The following TMEM131L variants were observed in gnomAD, a reference collection of about 807,000 sequenced individuals.
The protein encoded by TMEM131L is transmembrane 131 like.
A neutral mutation model predicts 192.2 loss-of-function variants in TMEM131L; 54 were observed. The ratio of observed to expected loss-of-function variants is 0.28; its 90% CI spans 0.23 to 0.35. The LOEUF (loss-of-function observed/expected upper bound fraction) is 0.35. Ranked by LOEUF, TMEM131L falls within the 10% of genes least tolerant of loss-of-function variation. TMEM131L has a pLI of 1.00. For synonymous variants in TMEM131L, 701 were observed against 704.9 expected (o/e 0.99, Z 0.09); for missense variants, 1,888 against 1,972.9 (o/e 0.96, Z 0.82).
intron 18 of TMEM131L, among the ~76,000 whole-genome samples, chr4:153,593,575 T>C (rs1731217651): frequency 6.6e-6 from 1 of 152,188 alleles, no homozygotes; most frequent in Non-Finnish European, 1.5e-5. Flanking sequence ...GCAATATTTA[T>C]TGATCATTGA....
At chr4:153,548,836 G>A in intron 3 of TMEM131L, among the ~76,000 whole-genome samples, 1 of 152,126 alleles carries the variant, frequency 6.6e-6, no homozygotes. Context: ...GGGAGTTGCT[G>A]AAAGGTCACA....
At chr4:153,616,126 C>G (rs1732958261) in intron 26 of TMEM131L, among the ~76,000 whole-genome samples, 1 of 152,152 alleles carries the variant, frequency 6.6e-6, no homozygotes, top group Non-Finnish European at 1.5e-5. Context: ...ACGTCTGCAT[C>G]TAATGGTGGC....
At position 153,586,389 on chromosome 4, in the gene TMEM131L, A is replaced by T. The variant is rs375475458; in HGVS notation, c.1482+10A>T. The T allele has an allele frequency of 5.7e-6, 9 of 1,579,732 alleles. No individual in the cohort carries two copies. Among genetic ancestry groups the T allele is most frequent in the African/African-American group, 1.4e-5 (1 of 73,388 alleles). ...TTCAGCACCAACCAAGGTATTTTCT[A>T]CAATACTATATGTGTGTTACAGTTT... is the stretch of plus-strand genomic sequence containing the variant. On this transcript the variant is annotated intron_variant, in intron 14 of 34. Transcript: ENST00000409959.
intron 11 of TMEM131L, 111 bp downstream of exon 11, chr4:153,583,783 C>G (rs1476209182): frequency 3.0e-6 from 2 of 662,804 alleles, no homozygotes; most frequent in East Asian, 2.7e-5. Context: ...GAAGGGAATG[C>G]GTTTGATTTC....
rs565816073 is a variant in TMEM131L, at chr4:153,570,663, A to G, written c.661-10163A>G. 1.8e-4 allele frequency among the ~76,000 whole-genome samples: 28 copies of G among 152,198 alleles called. 1 individual carries two copies. The South Asian group carries it at 5.2e-3, about 28-fold the overall frequency. On this transcript the variant is annotated intron_variant, in intron 7 of 34. Transcript: ENST00000409959. ...CTCCCGGCACTTTTGTGCTAGTGGT[A>G]TGGAAGCTGTGTTAGGAGCAGAGCT...
At chr4:153,579,804 C>T (rs1730209334) in intron 7 of TMEM131L, among the ~76,000 whole-genome samples, 1 of 152,098 alleles carries the variant, frequency 6.6e-6, no homozygotes, top group South Asian at 2.1e-4. Flanking sequence ...TTTTAATTGC[C>T]TGAATGACAA....
intron 3 of TMEM131L, among the ~76,000 whole-genome samples, chr4:153,493,610 A>T (rs1732955033): frequency 6.6e-6 from 1 of 152,120 alleles, no homozygotes; most frequent in Non-Finnish European, 1.5e-5. Flanking sequence ...CAGTGAGCCG[A>T]GATCGCACCA....
chr4:153,501,402 G>A (rs184068333), intron 3 of TMEM131L, among the ~76,000 whole-genome samples: 47 of 152,022 alleles, frequency 3.1e-4, no homozygotes, highest in African/African-American at 9.6e-4. Context: ...GGGTTTCACC[G>A]TGTTAGCCAG....
chr4:153,484,245 T>C (rs1237933051), intron 3 of TMEM131L, among the ~76,000 whole-genome samples: 2 of 152,156 alleles, frequency 1.3e-5, no homozygotes, highest in African/African-American at 2.4e-5. Flanking sequence ...AAGAATGTTA[T>C]CATGTTACAA....
At chr4:153,546,344 A>G (rs1737174424) in intron 3 of TMEM131L, among the ~76,000 whole-genome samples, 1 of 152,110 alleles carries the variant, frequency 6.6e-6, no homozygotes, top group African/African-American at 2.4e-5. Flanking sequence ...GGGACTCCTA[A>G]GAGTAAAAGA....
intron 3 of TMEM131L, among the ~76,000 whole-genome samples, chr4:153,531,730 C>T (rs961251452): frequency 6.6e-6 from 1 of 152,076 alleles, no homozygotes; most frequent in East Asian, 1.9e-4. Context: ...ATTTAAAATC[C>T]GGAAATGCCT....
In TMEM131L at chr4:153,538,614, A is replaced by C. The variant is rs1030681372; in HGVS notation, c.240-11459A>C. Reference sequence around the variant, plus strand: ...CCTGAAAGGCTGGCACTGCTGAAAAACCCGCCTCCCTCAGGGCAAGCAGGG... The same window carrying C: ...CCTGAAAGGCTGGCACTGCTGAAAACCCCGCCTCCCTCAGGGCAAGCAGGG... On this transcript the variant is annotated intron_variant, in intron 3 of 34. Transcript: ENST00000409959. Among the ~76,000 whole-genome samples, 9 of 151,756 alleles carry C rather than the reference A, an allele frequency of 5.9e-5. 1 individual carries two copies. Among genetic ancestry groups the C allele is most frequent in the Admixed American group, 5.3e-4 (8 of 15,234 alleles).
At chr4:153,521,825 T>A (rs138986081) in intron 3 of TMEM131L, among the ~76,000 whole-genome samples, 1 of 151,896 alleles carries the variant, frequency 6.6e-6, no homozygotes, top group Non-Finnish European at 1.5e-5. Flanking sequence ...GCGTAATGTC[T>A]TCAAGATTTA....
intron 30 of TMEM131L, 83 bp downstream of exon 30, chr4:153,626,308 G>A (rs1733840476): frequency 2.3e-6 from 2 of 855,628 alleles, no homozygotes; most frequent in Non-Finnish European, 3.8e-6. Context: ...CTTTGTACTT[G>A]GTTCTGCAGG....
intron 3 of TMEM131L, among the ~76,000 whole-genome samples, chr4:153,521,394 C>G (rs946799096): frequency 6.6e-6 from 1 of 152,172 alleles, no homozygotes; most frequent in African/African-American, 2.4e-5. Context: ...ACATTATAAT[C>G]ACTAGAACCA....
chr4:153,474,701 G>A (rs768928319), intron 3 of TMEM131L, among the ~76,000 whole-genome samples: 1 of 152,150 alleles, frequency 6.6e-6, no homozygotes, highest in Admixed American at 6.5e-5. Flanking sequence ...GATTACAGGC[G>A]TGTGTCAACA....
chr4:153,467,322 GGGA>G, intron 2 of TMEM131L, 41 bp downstream of exon 2: 1 of 1,524,380 alleles, frequency 6.6e-7, no homozygotes, highest in South Asian at 1.2e-5. Context: ...GGGTGTACGA[GGGA>G]GGAGAGGCGG....
intron 7 of TMEM131L, among the ~76,000 whole-genome samples, chr4:153,561,375 A>C (rs1054405652): frequency 6.6e-6 from 1 of 152,214 alleles, no homozygotes; most frequent in Non-Finnish European, 1.5e-5. Flanking sequence ...AAAAGATTTA[A>C]ATTTTGATGA....
At chr4:153,548,655 C>G (rs2150392705) in intron 3 of TMEM131L, among the ~76,000 whole-genome samples, 1 of 152,120 alleles carries the variant, frequency 6.6e-6, no homozygotes, top group African/African-American at 2.4e-5. Context: ...AAAGGAGGTA[C>G]AAACAGACTA....
Sources: allele counts gnomAD v4.1 joint callset (sites outside exome capture counted in the v4.1 genomes callset), GRCh38; gene constraint gnomAD v4.1.1; transcripts MANE v1.5; gene names NCBI Gene and HGNC (gene_info 2026-07-23, HGNC 2026-07-21).